The following METTL21A variants were observed in gnomAD, a reference collection of about 807,000 sequenced individuals.
METTL21A encodes the protein protein N-lysine methyltransferase METTL21A.
METTL21A carries 22 observed loss-of-function variants against 20.9 expected under a neutral mutation model. The observed-to-expected ratio is 1.05, with a 90% CI of 0.75 to 1.50. The LOEUF (loss-of-function observed/expected upper bound fraction) is 1.50. Among genes scored for constraint, METTL21A ranks in the 40% most tolerant of loss-of-function variants. The probability of loss-of-function intolerance (pLI) is 0.00; values close to 1 mark genes in which losing one functional copy is unlikely to be tolerated. For synonymous variants in METTL21A, 93 were observed against 102.0 expected (o/e 0.91, Z 0.53); for missense variants, 271 against 266.8 (o/e 1.02, Z -0.11).
intron 3 of METTL21A, among the ~76,000 whole-genome samples, chr2:207,587,586 TAC>T (rs1007543496): frequency 2.0e-5 from 3 of 152,120 alleles, no homozygotes; most frequent in Non-Finnish European, 4.4e-5. Context: ...GCAGTATATA[TAC>T]ACAGTGGTAT....
At chr2:207,582,193 C>T (rs2083053261) in intron 3 of METTL21A, 1 of 702,654 alleles carries the variant, frequency 1.4e-6, no homozygotes, top group Non-Finnish European at 2.6e-6. Context: ...AATTTGTGGT[C>T]ATATGTTAAA....
At chr2:207,593,927 C>T (rs2085591530) in intron 3 of METTL21A, among the ~76,000 whole-genome samples, 1 of 152,094 alleles carries the variant, frequency 6.6e-6, no homozygotes, top group Admixed American at 6.5e-5. Flanking sequence ...CCATGTTGGC[C>T]AGGCTGGTCT....
chr2:207,580,866 C>T (rs1015418246), downstream of METTL21A: 8 of 218,476 alleles, frequency 3.7e-5, no homozygotes, highest in South Asian at 5.5e-4. Flanking sequence ...TAGAGCAGCA[C>T]GTCTTTGAGA....
At chr2:207,583,760 C>T (rs761382993) in intron 3 of METTL21A, among the ~76,000 whole-genome samples, 8 of 152,190 alleles carry the variant, frequency 5.3e-5, no homozygotes, top group Non-Finnish European at 8.8e-5. Context: ...TCTGTCACCA[C>T]AATGCCATAT....
intron 3 of METTL21A, among the ~76,000 whole-genome samples, chr2:207,618,956 T>C (rs2090137958): frequency 6.6e-6 from 1 of 152,036 alleles, no homozygotes. Context: ...ATCCATTAGC[T>C]TTGTGACCTC....
Position 207,583,149 on chromosome 2 carries a change from GTATA to G in METTL21A, c.260-993_260-990del, listed in dbSNP as rs1282081982. On this transcript the variant is annotated intron_variant, in intron 3 of 3. Transcript: ENST00000425132. ...ATAAGTAATCTAGAGGTGATTTTAA[GTATA>G]TAGGGGGATTCATATAGGTTATATG... is the stretch of plus-strand genomic sequence containing the variant. Among the ~76,000 whole-genome samples, 3 of 152,114 alleles carry G rather than the reference GTATA, an allele frequency of 2.0e-5. No homozygotes were observed. The East Asian group carries it at 5.8e-4, about 29-fold the overall frequency.
At chr2:207,582,023 TC>T in exon 4 of METTL21A, 1 of 699,262 alleles carries the variant, frequency 1.4e-6, no homozygotes, top group South Asian at 1.5e-5. Context: ...TAACATCACA[TC>T]CGGGAGCACA....
chr2:207,588,949 G>A (rs1191275113), intron 3 of METTL21A, among the ~76,000 whole-genome samples: 1 of 151,616 alleles, frequency 6.6e-6, no homozygotes, highest in African/African-American at 2.4e-5. Context: ...CTACAAATAT[G>A]GACAGTTTTA....
At position 207,595,682 on chromosome 2, in the gene METTL21A, A is replaced by G. The variant is rs2086006743; in HGVS notation, c.260-13522T>C. Among the ~76,000 whole-genome samples, 3 of 152,038 alleles carry G rather than the reference A, an allele frequency of 2.0e-5. No individual in the cohort carries two copies. The South Asian group carries it at 6.2e-4, about 32-fold the overall frequency. Reference sequence around the variant, plus strand: ...TGGGCTTAAGCAGTCCTCCCACCTCAGCTTCCTGAGCAGCTGGGACTACAG... The same window carrying G: ...TGGGCTTAAGCAGTCCTCCCACCTCGGCTTCCTGAGCAGCTGGGACTACAG... On this transcript the variant is annotated intron_variant, in intron 3 of 3. Coordinates refer to the METTL21A transcript ENST00000425132.
intron 3 of METTL21A, among the ~76,000 whole-genome samples, chr2:207,582,341 A>G (rs1305589164): frequency 1.3e-5 from 2 of 152,208 alleles, no homozygotes; most frequent in Non-Finnish European, 2.9e-5. Context: ...ACTATTTGCT[A>G]TTCTAATGGG....
intron 3 of METTL21A, among the ~76,000 whole-genome samples, chr2:207,596,754 G>A (rs895728272): frequency 6.6e-6 from 1 of 151,974 alleles, no homozygotes; most frequent in African/African-American, 2.4e-5. Flanking sequence ...TTAATATAAG[G>A]TAATTTCCAA....
intron 3 of METTL21A, chr2:207,597,186 A>G: frequency 1.0e-6 from 1 of 982,746 alleles, no homozygotes; most frequent in Non-Finnish European, 1.4e-6. Flanking sequence ...CCTGAAAGCA[A>G]CTACAGAATT....
chr2:207,624,454 T>C, intron 1 of METTL21A, 50 bp from the exon 2 acceptor site: 2 of 1,493,790 alleles, frequency 1.3e-6, no homozygotes, highest in African/African-American at 1.4e-5. Context: ...AGATACATTA[T>C]CTGTTCTTAA....
rs1040408677 is a variant in METTL21A, at chr2:207,602,440, T to C, written c.259+19366A>G. 7 of 199,814 alleles carry C rather than the reference T, an allele frequency of 3.5e-5. 1 individual carries two copies. Among genetic ancestry groups the C allele is most frequent in the African/African-American group, 1.6e-4 (7 of 43,418 alleles). 12.4% of individuals were successfully genotyped at this position (199,814 alleles called of 1,614,324 possible). On this transcript the variant is annotated intron_variant, in intron 3 of 3. Transcript: ENST00000425132. ...GAAAATGAACAATCTTTTGGAATTG[T>C]CTTTGAAAAGGATCAAAGAGTAGGA...
At chr2:207,624,637 A>G (rs1205099734) in intron 1 of METTL21A, 2 of 338,646 alleles carry the variant, frequency 5.9e-6, no homozygotes, top group Admixed American at 9.8e-5. Context: ...AGCCCAGAAC[A>G]TTCCAACTTC....
At chr2:207,620,141 G>A (rs73058913) in intron 3 of METTL21A, among the ~76,000 whole-genome samples, 2,358 of 152,140 alleles carry the variant, frequency 0.015, 61 homozygotes, top group African/African-American at 0.054. Flanking sequence ...AGAAGTTGGT[G>A]TTACAGAAAA....
chr2:207,617,150 G>A (rs1254396727), intron 3 of METTL21A, among the ~76,000 whole-genome samples: 1 of 152,194 alleles, frequency 6.6e-6, no homozygotes, highest in Admixed American at 6.5e-5. Flanking sequence ...TGTGTCATCA[G>A]TTTTCGTTTT....
chr2:207,605,769 C>T (rs891593674), downstream of METTL21A, among the ~76,000 whole-genome samples: 3 of 152,130 alleles, frequency 2.0e-5, no homozygotes, highest in African/African-American at 7.2e-5. Context: ...TACAGATATA[C>T]AGAGGTTGGT....
At chr2:207,588,710 A>C (rs895332739) in intron 3 of METTL21A, among the ~76,000 whole-genome samples, 3 of 134,976 alleles carry the variant, frequency 2.2e-5, no homozygotes, top group African/African-American at 5.5e-5. Flanking sequence ...TTTATACCCA[A>C]GTATGAACTG....
Sources: allele counts gnomAD v4.1 joint callset (sites outside exome capture counted in the v4.1 genomes callset), GRCh38; gene constraint gnomAD v4.1.1; transcripts MANE v1.5; gene names NCBI Gene and HGNC (gene_info 2026-07-23, HGNC 2026-07-21).